THADA: variants seen among roughly 807,000 people sequenced by gnomAD.
THADA encodes the protein THADA armadillo repeat containing.
THADA carries 213 observed loss-of-function variants against 219.8 expected under a neutral mutation model. The ratio of observed to expected loss-of-function variants is 0.97; its 90% CI spans 0.87 to 1.09. The LOEUF (loss-of-function observed/expected upper bound fraction) is 1.09, where lower values mean the gene tolerates loss of function less well. Among genes scored for constraint, THADA ranks in the 50% least tolerant of loss-of-function variants. The probability of loss-of-function intolerance (pLI) is 0.00; values close to 1 mark genes in which losing one functional copy is unlikely to be tolerated. For missense variants in THADA, 2,956 were observed against 2,311.3 expected (o/e 1.28, Z -5.72); for synonymous variants, 1,018 against 828.9 (o/e 1.23, Z -3.92).
At chr2:43,305,160 C>A (rs1676710091) in intron 31 of THADA, among the ~76,000 whole-genome samples, 2 of 152,080 alleles carry the variant, frequency 1.3e-5, no homozygotes, top group Admixed American at 6.5e-5. Flanking sequence ...TATGCAATTT[C>A]TCCGTTAAAA....
At position 43,460,945 on chromosome 2, in the gene THADA, G is replaced by A. The variant is rs568066691; in HGVS notation, c.3836+24289C>T. 4.3e-3 allele frequency among the ~76,000 whole-genome samples: 659 copies of A among 152,346 alleles called. 6 individuals are homozygous for A. Among genetic ancestry groups the A allele is most frequent in the Non-Finnish European group, 5.7e-3 (391 of 68,032 alleles). On this transcript the variant is annotated intron_variant, in intron 26 of 37. Transcript: ENST00000405975. ...CAGTTAGGATTCACCTGTCCCAGGA[G>A]TGTGGGGAGGCTGTAGGAGGAGGAG...
At chr2:43,372,141 T>C (rs1265895611) in intron 29 of THADA, 3 of 152,196 alleles carry the variant, frequency 2.0e-5, no homozygotes, top group African/African-American at 7.2e-5. Flanking sequence ...TTTTTAAACA[T>C]CAGTGGCAAA....
chr2:43,570,341 T>A, intron 14 of THADA, 47 bp downstream of exon 14: 1 of 1,529,232 alleles, frequency 6.5e-7, no homozygotes, highest in Non-Finnish European at 8.8e-7. Context: ...TTCATAATAC[T>A]TTTTAATTTA....
intron 31 of THADA, among the ~76,000 whole-genome samples, chr2:43,312,029 C>G (rs1573019014): frequency 6.6e-6 from 1 of 152,138 alleles, no homozygotes; most frequent in East Asian, 1.9e-4. Flanking sequence ...GGAGACCTCT[C>G]TCTACAAAAT....
At chr2:43,343,965 C>G in intron 30 of THADA, 157 bp downstream of exon 30, 1 of 551,218 alleles carries the variant, frequency 1.8e-6, no homozygotes, top group Non-Finnish European at 3.2e-6. Flanking sequence ...ATTTTTCTTT[C>G]TTTACCACAA....
At chr2:43,345,574 G>A (rs943896025) in intron 29 of THADA, among the ~76,000 whole-genome samples, 2 of 152,174 alleles carry the variant, frequency 1.3e-5, no homozygotes, top group Admixed American at 6.5e-5. Context: ...ACCACCCGAC[G>A]TGGAGTCTGG....
Position 43,464,663 on chromosome 2 carries a change from C to T in THADA, c.3836+20571G>A, listed in dbSNP as rs540069376. ...ACCAAAATTCCCCAGAAAAATCTTG[C>T]TCATCAGTACATTTAATGTACCACA... On this transcript the variant is annotated intron_variant, in intron 26 of 37. Transcript: ENST00000405975. Among the ~76,000 whole-genome samples the T allele has an allele frequency of 5.9e-5, 9 of 152,272 alleles. No homozygotes were observed. In the South Asian group the frequency reaches 1.9e-3, roughly 32 times the overall value.
intron 31 of THADA, among the ~76,000 whole-genome samples, chr2:43,302,041 T>A (rs762480629): frequency 1.0e-4 from 12 of 119,766 alleles, no homozygotes; most frequent in Non-Finnish European, 9.9e-5. Flanking sequence ...CTTCTTTGCC[T>A]TTTTTTTTTA....
chr2:43,443,359 T>C (rs1422993555), intron 26 of THADA, among the ~76,000 whole-genome samples: 1 of 152,192 alleles, frequency 6.6e-6, no homozygotes, highest in Non-Finnish European at 1.5e-5. Flanking sequence ...AGAATCATCA[T>C]TTGAGTTAAT....
intron 29 of THADA, among the ~76,000 whole-genome samples, chr2:43,390,055 C>T (rs543732653): frequency 6.6e-6 from 1 of 152,318 alleles, no homozygotes; most frequent in South Asian, 2.1e-4. Flanking sequence ...AATAAACATT[C>T]TCCACATTTA....
chr2:43,580,704 G>A (rs976508299), intron 8 of THADA, among the ~76,000 whole-genome samples: 2 of 151,198 alleles, frequency 1.3e-5, no homozygotes, highest in South Asian at 4.2e-4. Flanking sequence ...GTGAAAGCCC[G>A]TCTATATTAA....
At chr2:43,391,032 G>T (rs1055315654) in intron 29 of THADA, among the ~76,000 whole-genome samples, 3 of 151,990 alleles carry the variant, frequency 2.0e-5, no homozygotes, top group Non-Finnish European at 4.4e-5. Context: ...ATTTAATCTT[G>T]CATAACTTTA....
At chr2:43,341,044 C>T (rs763475908) in intron 30 of THADA, among the ~76,000 whole-genome samples, 4 of 152,180 alleles carry the variant, frequency 2.6e-5, no homozygotes, top group Non-Finnish European at 4.4e-5. Flanking sequence ...TGATACATAG[C>T]TTTGGAATGC....
intron 15 of THADA, 64 bp downstream of exon 15, chr2:43,566,634 T>C (rs1411667263): frequency 1.3e-6 from 2 of 1,554,096 alleles, no homozygotes; most frequent in Admixed American, 1.7e-5. Flanking sequence ...TAAAGCAAAA[T>C]GTAGAATAAG....
intron 29 of THADA, among the ~76,000 whole-genome samples, chr2:43,360,853 C>T (rs1458886384): frequency 6.6e-6 from 1 of 152,188 alleles, no homozygotes; most frequent in South Asian, 2.1e-4. Context: ...AGTGGGACAA[C>T]AGGATATTTC....
At position 43,575,042 on chromosome 2, in the gene THADA, G is replaced by A; in HGVS notation, c.1038-15C>T. ...GCTCTTTAATCCTGAAGAAAAATGAGCCATGAGCCATTATTGTAAACTGAT... is the reference window on the plus strand; with the variant it reads ...GCTCTTTAATCCTGAAGAAAAATGAACCATGAGCCATTATTGTAAACTGAT... On this transcript the variant is annotated splice_polypyrimidine_tract_variant and intron_variant, in intron 10 of 37. Coordinates refer to ENST00000405975, the MANE Select transcript of THADA (RefSeq NM_022065.5). The A allele has an allele frequency of 6.4e-7, 1 of 1,571,562 alleles. No homozygotes were observed. The highest frequency in any genetic ancestry group is 8.6e-7 in the Non-Finnish European group (1 of 1,159,322).
intron 29 of THADA, among the ~76,000 whole-genome samples, chr2:43,376,634 G>A (rs1310054009): frequency 2.0e-5 from 3 of 152,084 alleles, no homozygotes; most frequent in Non-Finnish European, 4.4e-5. Flanking sequence ...TACCACACTC[G>A]AATTAAGTCA....
chr2:43,286,840 TAGGCAAGAA>T, intron 35 of THADA, 59 bp downstream of exon 35: 1 of 1,553,526 alleles, frequency 6.4e-7, no homozygotes, highest in Non-Finnish European at 8.8e-7. Flanking sequence ...TCCCTTTTTT[TAGGCAAGAA>T]TATCTATTCA....
intron 23 of THADA, 21 bp downstream of exon 23, chr2:43,508,627 T>C: frequency 1.2e-6 from 2 of 1,608,824 alleles, no homozygotes; most frequent in East Asian, 2.2e-5. Flanking sequence ...AACAAACAGC[T>C]AGGGTCCTAC....
Sources: allele counts gnomAD v4.1 joint callset (sites outside exome capture counted in the v4.1 genomes callset), GRCh38; gene constraint gnomAD v4.1.1; transcripts MANE v1.5; gene names NCBI Gene and HGNC (gene_info 2026-07-23, HGNC 2026-07-21).